The following INPP4A variants were observed in gnomAD, a reference collection of about 807,000 sequenced individuals.
INPP4A encodes inositol polyphosphate-4-phosphatase, type I, 107kD.
Under a neutral mutation model 119.8 loss-of-function variants are expected in INPP4A, and 33 were observed. The observed-to-expected ratio is 0.28, with a 90% CI of 0.21 to 0.37. The LOEUF is 0.37. INPP4A is among the 10% of genes least tolerant of loss of function. The pLI, the probability that INPP4A is intolerant of heterozygous loss-of-function variation, is 1.00. For missense variants in INPP4A, 956 were observed against 1,289.9 expected (o/e 0.74, Z 3.97); for synonymous variants, 496 against 500.7 (o/e 0.99, Z 0.12).
chr2:98,494,874 A>G (rs1232561377), intron 1 of INPP4A, among the ~76,000 whole-genome samples: 3 of 152,244 alleles, frequency 2.0e-5, no homozygotes, highest in Non-Finnish European at 4.4e-5. Flanking sequence ...GGGGTCTAAC[A>G]GCTGGGTATG....
At chr2:98,558,891 CTT>C (rs1694966457) in intron 16 of INPP4A, among the ~76,000 whole-genome samples, 1 of 152,214 alleles carries the variant, frequency 6.6e-6, no homozygotes, top group African/African-American at 2.4e-5. Flanking sequence ...AATCACAAAA[CTT>C]AACATTTGTT....
chr2:98,492,249 G>A (rs78483350), intron 1 of INPP4A, among the ~76,000 whole-genome samples: 2,354 of 152,234 alleles, frequency 0.015, 69 homozygotes, highest in African/African-American at 0.054. Flanking sequence ...ACCATTGTAA[G>A]TTGAGAAGCA....
At chr2:98,512,650 C>A (rs777103168) in intron 1 of INPP4A, among the ~76,000 whole-genome samples, 7 of 152,232 alleles carry the variant, frequency 4.6e-5, no homozygotes, top group African/African-American at 7.2e-5. Context: ...CAGCATTAAT[C>A]CATTCATGAG....
intron 1 of INPP4A, among the ~76,000 whole-genome samples, chr2:98,498,555 C>CT (rs1682504019): frequency 6.6e-6 from 1 of 151,930 alleles, no homozygotes; most frequent in South Asian, 2.1e-4. Context: ...TGGCCTCTCA[C>CT]TGGCAACACT....
intron 11 of INPP4A, among the ~76,000 whole-genome samples, chr2:98,545,184 C>T (rs1007184591): frequency 2.6e-5 from 4 of 152,126 alleles, no homozygotes; most frequent in African/African-American, 7.2e-5. Flanking sequence ...AGTAGCTGGT[C>T]TGTGATTCAT....
At chr2:98,520,538 A>G (rs1686991017) in intron 3 of INPP4A, 149 bp from the exon 4 acceptor site, 2 of 667,120 alleles carry the variant, frequency 3.0e-6, no homozygotes, top group Non-Finnish European at 5.3e-6. Context: ...AGCAATCTCA[A>G]AAACAAAATA....
rs965052775 is a variant in INPP4A, at chr2:98,569,528, G to A, written c.2518+860G>A. 1.3e-4 allele frequency: 20 copies of A among 152,348 alleles called. No homozygotes were observed. Among genetic ancestry groups the A allele is most frequent in the Admixed American group, 1.1e-3 (17 of 15,298 alleles). The allele number at this position is 152,348 out of a possible 1,614,324, so 9.4% of individuals were successfully genotyped here. On this transcript the variant is annotated intron_variant, in intron 22 of 24. Coordinates refer to ENST00000409851, the MANE Select transcript of INPP4A (RefSeq NM_001134225.2). This position sits in a 1 kb window ranked among gnomAD's most constrained non-coding sequence, Gnocchi z 5.1. ...TCATCTGCATCCTGTTGGACGGTAC[G>A]GTAGACCTTAGAGTTTAGAGATAGT...
At chr2:98,453,538 C>G (rs1164786236) in intron 1 of INPP4A, among the ~76,000 whole-genome samples, 3 of 152,084 alleles carry the variant, frequency 2.0e-5, no homozygotes, top group Admixed American at 2.0e-4. Context: ...AACCCTAGGG[C>G]TGAGTGCAGG....
At chr2:98,536,099 A>G (rs753588690) in intron 6 of INPP4A, 30 bp from the exon 7 acceptor site, 1 of 1,451,466 alleles carries the variant, frequency 6.9e-7, no homozygotes, top group Non-Finnish European at 9.7e-7. Context: ...CAAGCGCACC[A>G]ATGCTGCCTC....
chr2:98,480,926 A>G (rs947767159), intron 1 of INPP4A, among the ~76,000 whole-genome samples: 1 of 152,196 alleles, frequency 6.6e-6, no homozygotes, highest in Non-Finnish European at 1.5e-5. Context: ...TTCCAGCCCC[A>G]GGAAGGAGTT....
At chr2:98,501,794 C>T (rs906355504) in intron 1 of INPP4A, among the ~76,000 whole-genome samples, 2 of 152,186 alleles carry the variant, frequency 1.3e-5, no homozygotes, top group African/African-American at 4.8e-5. Context: ...AAACCTGGAC[C>T]AGGTCAAGAG....
chr2:98,462,934 C>T lies in INPP4A; in HGVS notation c.-166+17849C>T, dbSNP rs111997437. Among the ~76,000 whole-genome samples the T allele has an allele frequency of 2.3e-3, 355 of 152,192 alleles. 1 individual carries two copies. The highest frequency in any genetic ancestry group is 3.9e-3 in the Non-Finnish European group (265 of 68,006). On this transcript the variant is annotated intron_variant, in intron 1 of 24. Transcript: ENST00000409851. ...TTGGCTCACTGCAACCTCCACCTCC[C>T]GGGTTCAAGCCATTCTCCTGCCTCA...
At chr2:98,586,355 G>C (rs531400575) in intron 24 of INPP4A, among the ~76,000 whole-genome samples, 7 of 150,798 alleles carry the variant, frequency 4.6e-5, no homozygotes, top group African/African-American at 7.3e-5. Context: ...TTTTAAATGC[G>C]TGACATAATG....
rs766832826 is a variant in INPP4A at position 98,552,976 on chromosome 2, G to A, written c.1347+7G>A. The A allele has an allele frequency of 2.3e-5, 37 of 1,602,082 alleles. No homozygotes were observed. Among genetic ancestry groups the A allele is most frequent in the Non-Finnish European group, 1.5e-5 (18 of 1,173,148 alleles). On this transcript the variant is annotated splice_region_variant and intron_variant, in intron 14 of 24. Transcript: ENST00000409851. Reference sequence around the variant, plus strand: ...CGCCATCTTGGCAGACAAGGTAGGAGGGGTGCCCTGCTACATATGGGCTGG... The same window carrying A: ...CGCCATCTTGGCAGACAAGGTAGGAAGGGTGCCCTGCTACATATGGGCTGG...
intron 1 of INPP4A, among the ~76,000 whole-genome samples, chr2:98,518,108 G>T (rs1321229612): frequency 6.6e-6 from 1 of 152,164 alleles, no homozygotes; most frequent in Non-Finnish European, 1.5e-5. Context: ...TTGTTAATGT[G>T]TACAACCATT....
At chr2:98,478,989 A>T (rs923747510) in intron 1 of INPP4A, among the ~76,000 whole-genome samples, 1 of 152,200 alleles carries the variant, frequency 6.6e-6, no homozygotes, top group African/African-American at 2.4e-5. Flanking sequence ...GCAGTCACCT[A>T]GAAGACTTGT....
At chr2:98,527,711 A>T (rs1022989443) in intron 4 of INPP4A, among the ~76,000 whole-genome samples, 1 of 152,236 alleles carries the variant, frequency 6.6e-6, no homozygotes, top group Non-Finnish European at 1.5e-5. Flanking sequence ...GTATACACAC[A>T]GGGACTCTTA....
intron 2 of INPP4A, 74 bp from the exon 3 acceptor site, chr2:98,519,872 G>A: frequency 1.6e-6 from 1 of 609,934 alleles, no homozygotes; most frequent in Non-Finnish European, 3.0e-6. Flanking sequence ...GGTAGGTCAC[G>A]TTCTTTCTAA....
At chr2:98,456,977 C>G (rs1358179793) in intron 1 of INPP4A, among the ~76,000 whole-genome samples, 1 of 152,176 alleles carries the variant, frequency 6.6e-6, no homozygotes, top group Non-Finnish European at 1.5e-5. Context: ...GGGGCCACTT[C>G]ACAAATGGTG....
Sources: allele counts gnomAD v4.1 joint callset (sites outside exome capture counted in the v4.1 genomes callset), GRCh38; gene constraint gnomAD v4.1.1; non-coding constraint Gnocchi (gnomAD v3.1); transcripts MANE v1.5; gene names NCBI Gene and HGNC (gene_info 2026-07-23, HGNC 2026-07-21).